Variants in PPARGC1A observed in about 807,000 individuals in gnomAD.
The protein encoded by PPARGC1A is PPARG coactivator 1 alpha.
In PPARGC1A, 25 loss-of-function variants were observed where a neutral mutation model predicts 88.7. The observed-to-expected ratio is 0.28, with a 90% CI of 0.21 to 0.39. PPARGC1A has a LOEUF of 0.39. Among genes scored for constraint, PPARGC1A ranks in the 10% least tolerant of loss-of-function variants. The pLI is 1.00. For synonymous variants in PPARGC1A, 363 were observed against 355.6 expected (o/e 1.02, Z -0.24); for missense variants, 880 against 968.7 (o/e 0.91, Z 1.22).
chr4:24,411,851 A>G, the PPARGC1A span, among the ~76,000 whole-genome samples: 3 of 152,062 alleles, frequency 2.0e-5, no homozygotes, highest in Non-Finnish European at 2.9e-5. Context: ...TTGATAGCTC[A>G]TTTGTTTTTA....
the PPARGC1A span, among the ~76,000 whole-genome samples, chr4:24,216,578 C>T: frequency 6.6e-6 from 1 of 152,102 alleles, no homozygotes; most frequent in Non-Finnish European, 1.5e-5. Flanking sequence ...TTTTGCCCTT[C>T]AGTTTTTGTT....
intron 2 of PPARGC1A, among the ~76,000 whole-genome samples, chr4:23,844,176 T>A (rs1334546203): frequency 6.7e-6 from 1 of 149,886 alleles, no homozygotes; most frequent in Non-Finnish European, 1.5e-5. Context: ...TATGTGTGTA[T>A]ATATAAAACA....
At chr4:24,209,993 C>T in the PPARGC1A span, among the ~76,000 whole-genome samples, 42 of 152,232 alleles carry the variant, frequency 2.8e-4, no homozygotes, top group East Asian at 6.0e-3. Flanking sequence ...ATCTGTAAAA[C>T]GGGAAGAAGA....
chr4:24,064,433 C>T, the PPARGC1A span, among the ~76,000 whole-genome samples: 1 of 151,954 alleles, frequency 6.6e-6, no homozygotes, highest in Non-Finnish European at 1.5e-5. Context: ...ATTTCCATTG[C>T]CCTGGATGCA....
chr4:23,950,394 T>C, the PPARGC1A span, among the ~76,000 whole-genome samples: 1 of 152,122 alleles, frequency 6.6e-6, no homozygotes, highest in Non-Finnish European at 1.5e-5. Context: ...ATACACAAGA[T>C]GGCCTTTAAA....
chr4:23,859,970 T>C (rs1730947908), intron 2 of PPARGC1A, among the ~76,000 whole-genome samples: 1 of 152,006 alleles, frequency 6.6e-6, no homozygotes, highest in African/African-American at 2.4e-5. Flanking sequence ...GTTAGACAAT[T>C]AAGAAATCTT....
At chr4:24,339,464 C>A in the PPARGC1A span, among the ~76,000 whole-genome samples, 2 of 151,830 alleles carry the variant, frequency 1.3e-5, no homozygotes, top group African/African-American at 4.8e-5. Flanking sequence ...AGATTTTAAG[C>A]CTTTTTACCT....
upstream of PPARGC1A, among the ~76,000 whole-genome samples, chr4:23,905,916 C>T (rs1204514185): frequency 1.3e-5 from 2 of 152,116 alleles, no homozygotes; most frequent in Non-Finnish European, 2.9e-5. Flanking sequence ...GGAGTCTCTT[C>T]ACAAATCAGA....
the PPARGC1A span, among the ~76,000 whole-genome samples, chr4:24,185,087 C>T: frequency 6.6e-6 from 1 of 152,156 alleles, no homozygotes; most frequent in African/African-American, 2.4e-5. Flanking sequence ...CTGATCTATG[C>T]AATTATTCTC....
chr4:24,279,088 CT>C, the PPARGC1A span, among the ~76,000 whole-genome samples: 19 of 152,226 alleles, frequency 1.2e-4, no homozygotes, highest in African/African-American at 4.6e-4. Context: ...TTTGCCACCA[CT>C]TTTTTCCATC....
the PPARGC1A span, among the ~76,000 whole-genome samples, chr4:24,436,046 G>A: frequency 1.3e-5 from 2 of 152,298 alleles, no homozygotes; most frequent in East Asian, 3.9e-4. Context: ...ATGAGCCACT[G>A]TCACTCCTCA....
the PPARGC1A span, among the ~76,000 whole-genome samples, chr4:24,450,370 T>C: frequency 6.6e-6 from 1 of 152,248 alleles, no homozygotes; most frequent in African/African-American, 2.4e-5. Flanking sequence ...AATGTTAAAA[T>C]GTCCATTTTA....
chr4:23,900,008 T>C (rs1294220199), upstream of PPARGC1A, among the ~76,000 whole-genome samples: 1 of 65,450 alleles, frequency 1.5e-5, no homozygotes, highest in African/African-American at 1.2e-4. Flanking sequence ...GTTTGCTGCC[T>C]GTCCAAAAAA....
chr4:24,282,221 T>A, the PPARGC1A span, among the ~76,000 whole-genome samples: 1 of 152,094 alleles, frequency 6.6e-6, no homozygotes, highest in South Asian at 2.1e-4. Context: ...CCCACACAGG[T>A]TTTTCTGACA....
At chr4:24,185,620 A>T in the PPARGC1A span, among the ~76,000 whole-genome samples, 1 of 152,178 alleles carries the variant, frequency 6.6e-6, no homozygotes, top group Admixed American at 6.5e-5. Context: ...TGGGTGATTT[A>T]TTGAATGTTT....
At chr4:24,247,607 G>GT in the PPARGC1A span, among the ~76,000 whole-genome samples, 1 of 152,172 alleles carries the variant, frequency 6.6e-6, no homozygotes, top group African/African-American at 2.4e-5. Context: ...AACCCCAAGT[G>GT]GCGCACACAC....
chr4:24,411,256 G>A, the PPARGC1A span, among the ~76,000 whole-genome samples: 3 of 152,144 alleles, frequency 2.0e-5, no homozygotes, highest in African/African-American at 7.2e-5. Flanking sequence ...ACTAACATTT[G>A]GATAGCAGCT....
At chr4:23,919,665 C>T in the PPARGC1A span, among the ~76,000 whole-genome samples, 86 of 151,806 alleles carry the variant, frequency 5.7e-4, no homozygotes, top group South Asian at 0.011. Context: ...TGCTTCAGCC[C>T]TTAAAAAAAG....
At chr4:24,050,725 T>C in the PPARGC1A span, among the ~76,000 whole-genome samples, 1 of 152,228 alleles carries the variant, frequency 6.6e-6, no homozygotes, top group East Asian at 1.9e-4. Flanking sequence ...GTTGTGGTTG[T>C]TCTTCAGTAC....
Sources: allele counts gnomAD v4.1 joint callset (sites outside exome capture counted in the v4.1 genomes callset), GRCh38; gene constraint gnomAD v4.1.1; transcripts MANE v1.5; gene names NCBI Gene and HGNC (gene_info 2026-07-23, HGNC 2026-07-21).